RUNX1T1: variants seen among roughly 807,000 people sequenced by gnomAD.
The protein encoded by RUNX1T1 is RUNX1 partner transcriptional co-repressor 1.
In RUNX1T1, 4 loss-of-function variants were observed where a neutral mutation model predicts 62.8. That is an observed-to-expected ratio of 0.06 (90% confidence interval 0.03 to 0.15). The LOEUF is 0.15. Among genes scored for constraint, RUNX1T1 ranks in the 10% least tolerant of loss-of-function variants. The pLI, the probability that RUNX1T1 is intolerant of heterozygous loss-of-function variation, is 1.00. For missense variants in RUNX1T1, 508 were observed against 754.3 expected, an observed-to-expected ratio of 0.67 and a Z score of 3.82; for synonymous variants, 291 against 286.0, an observed-to-expected ratio of 1.02 and a Z score of -0.18.
At chr8:92,025,844 A>G (rs1825031302) in intron 1 of RUNX1T1, among the ~76,000 whole-genome samples, 2 of 152,242 alleles carry the variant, frequency 1.3e-5, no homozygotes, top group South Asian at 4.1e-4. Flanking sequence ...ACTAAAGATA[A>G]ATCTAGAAAA....
intron 1 of RUNX1T1, among the ~76,000 whole-genome samples, chr8:92,037,529 A>G (rs751091292): frequency 7.9e-5 from 12 of 152,104 alleles, no homozygotes; most frequent in Admixed American, 2.0e-4. Flanking sequence ...AAATGCAAAA[A>G]TGAGCCAGGC....
chr8:92,073,707 C>T (rs1563904551), intron 2 of RUNX1T1, among the ~76,000 whole-genome samples: 1 of 151,966 alleles, frequency 6.6e-6, no homozygotes, highest in Non-Finnish European at 1.5e-5. Context: ...TATATTTTTT[C>T]ATTTATTTAA....
intron 1 of RUNX1T1, among the ~76,000 whole-genome samples, chr8:92,084,846 T>C (rs1284665167): frequency 6.6e-6 from 1 of 152,132 alleles, no homozygotes; most frequent in Non-Finnish European, 1.5e-5. Flanking sequence ...AAGCAGGGTG[T>C]CATTTGTCTT....
intron 1 of RUNX1T1, among the ~76,000 whole-genome samples, chr8:92,060,553 A>ATATATATATGTGTGTGTG: frequency 7.8e-5 from 5 of 63,934 alleles, no homozygotes; most frequent in African/African-American, 2.3e-4. Flanking sequence ...ATATATATAT[A>ATATATATATGTGTGTGTG]TGTGTGTGTG....
intron 9 of RUNX1T1, among the ~76,000 whole-genome samples, chr8:91,974,048 A>G (rs1813399905): frequency 6.6e-6 from 1 of 152,040 alleles, no homozygotes; most frequent in African/African-American, 2.4e-5. Flanking sequence ...GCAAGCACAC[A>G]ACAAAAACAA....
upstream of RUNX1T1, among the ~76,000 whole-genome samples, chr8:92,102,455 A>C (rs1359399993): frequency 6.6e-6 from 1 of 151,878 alleles, no homozygotes; most frequent in Non-Finnish European, 1.5e-5. The surrounding 1 kb of genome is among the most constrained non-coding windows in gnomAD (Gnocchi z 4.5). Flanking sequence ...AAAGAAAAAA[A>C]CCCACGATGC....
chr8:92,071,707 G>T (rs1563899373), intron 2 of RUNX1T1, among the ~76,000 whole-genome samples: 1 of 152,138 alleles, frequency 6.6e-6, no homozygotes, highest in Non-Finnish European at 1.5e-5. Context: ...GCGGCTGTGA[G>T]AGATACTGGG....
At chr8:92,058,654 T>C (rs759594871) in intron 1 of RUNX1T1, among the ~76,000 whole-genome samples, 3 of 152,214 alleles carry the variant, frequency 2.0e-5, no homozygotes, top group Non-Finnish European at 2.9e-5. Flanking sequence ...TTTCAACATC[T>C]GTAAACTGAA....
chr8:92,094,651 C>T (rs1440086645), intron 1 of RUNX1T1, among the ~76,000 whole-genome samples: 5 of 152,180 alleles, frequency 3.3e-5, no homozygotes, highest in Non-Finnish European at 7.3e-5. Flanking sequence ...AATGATCAAT[C>T]CCAAAGCCTT....
At chr8:92,059,837 C>A (rs1393199611) in intron 1 of RUNX1T1, among the ~76,000 whole-genome samples, 2 of 152,008 alleles carry the variant, frequency 1.3e-5, no homozygotes, top group Non-Finnish European at 2.9e-5. Context: ...CTTTTGGAAA[C>A]TTGAACTTAA....
At chr8:92,041,237 G>A (rs1429316314) in intron 1 of RUNX1T1, among the ~76,000 whole-genome samples, 1 of 86,902 alleles carries the variant, frequency 1.2e-5, no homozygotes, top group Non-Finnish European at 2.4e-5. Context: ...CAAGGGGCAT[G>A]CATGATTTCA....
rs144186445 is a variant in RUNX1T1, at chr8:91,960,293, C to T, written c.1683G>A (p.Pro561=). 8.1e-5 allele frequency: 131 copies of T among 1,610,084 alleles called. No homozygotes were observed. The Middle Eastern group carries it at 1.8e-3, about 23-fold the overall frequency. ...AAGGGGTTCCCGGGGTGGTTGACCT[C>T]GGAGTGGCTGCTGGTGGTGTGTCCA... The change falls in exon 11 of 11, where the codon CCG becomes CCA. Residue 561 remains proline (P), a synonymous_variant. Transcript: ENST00000396218.
chr8:92,098,668 C>T (rs940402242), intron 1 of RUNX1T1, among the ~76,000 whole-genome samples: 1 of 152,194 alleles, frequency 6.6e-6, no homozygotes, highest in Non-Finnish European at 1.5e-5. Flanking sequence ...ACTCAGAACT[C>T]AACCATCACC....
In RUNX1T1 at chr8:92,056,277, C is replaced by T. The variant is rs1351806301; in HGVS notation, c.7+6269G>A. 4.6e-5 allele frequency among the ~76,000 whole-genome samples: 7 copies of T among 152,166 alleles called. No individual in the cohort carries two copies. The East Asian group carries it at 1.2e-3, about 25-fold the overall frequency. On this transcript the variant is annotated intron_variant, in intron 1 of 10. Transcript: ENST00000396218. ...GTGAAAAATGCTCAGTTTACTTTGT[C>T]AAACTCTTTAAGACTCTTGTTAAAG... is the stretch of plus-strand genomic sequence containing the variant.
chr8:92,095,664 C>G (rs555005025), intron 1 of RUNX1T1: 95 of 1,057,082 alleles, frequency 9.0e-5, no homozygotes, highest in Non-Finnish European at 1.1e-4. Context: ...GAAGGAGAGA[C>G]ACAGGCAGGA....
exon 11 of RUNX1T1, chr8:91,959,489 T>TAC: frequency 1.6e-5 from 1 of 64,452 alleles, no homozygotes; most frequent in Non-Finnish European, 2.9e-5. Context: ...TGTGTGTGTG[T>TAC]ATATATATAT....
intron 2 of RUNX1T1, among the ~76,000 whole-genome samples, chr8:92,074,872 T>C (rs1834192798): frequency 6.6e-6 from 1 of 151,934 alleles, no homozygotes; most frequent in African/African-American, 2.4e-5. Flanking sequence ...AGAAGGGAAA[T>C]ACAGACACAG....
intron 1 of RUNX1T1, among the ~76,000 whole-genome samples, chr8:92,019,680 T>TA (rs933964453): frequency 2.1e-4 from 32 of 151,974 alleles, no homozygotes; most frequent in Admixed American, 1.0e-3. Flanking sequence ...TAGACCACCC[T>TA]AAAAAAAATA....
chr8:92,087,947 C>G (rs1026408185), intron 1 of RUNX1T1, among the ~76,000 whole-genome samples: 1 of 152,192 alleles, frequency 6.6e-6, no homozygotes, highest in African/African-American at 2.4e-5. Flanking sequence ...ATTAACTCTT[C>G]CTTTAGACAT....
Sources: gnomAD v4.1 joint callset for allele counts (sites outside exome capture counted in the v4.1 genomes callset) on GRCh38, gnomAD v4.1.1 for gene constraint, Gnocchi (gnomAD v3.1) non-coding constraint, MANE v1.5 for transcripts, NCBI Gene and HGNC (gene_info 2026-07-23, HGNC 2026-07-21) for gene names.